DNAI7: variants seen among roughly 807,000 people sequenced by gnomAD.
DNAI7 encodes the protein cancer susceptibility 1.
A neutral mutation model predicts 86.6 loss-of-function variants in DNAI7; 78 were observed. That is an observed-to-expected ratio of 0.90 (90% CI 0.75 to 1.09). The LOEUF is 1.09. Ranked by LOEUF, DNAI7 falls within the 50% of genes least tolerant of loss-of-function variation. The pLI is 0.00. For missense variants in DNAI7, 753 were observed against 810.2 expected (o/e 0.93, Z 0.86); for synonymous variants, 274 against 273.0 (o/e 1.00, Z -0.04).
chr12:25,139,105 A>C (rs12423047), intron 9 of DNAI7, among the ~76,000 whole-genome samples: 1 of 152,024 alleles, frequency 6.6e-6, no homozygotes, highest in Non-Finnish European at 1.5e-5. Context: ...CAGAAAACTT[A>C]AAGGAGATGA....
intron 2 of DNAI7, among the ~76,000 whole-genome samples, chr12:25,166,501 T>C (rs1363051839): frequency 2.0e-5 from 3 of 152,210 alleles, no homozygotes; most frequent in South Asian, 2.1e-4. Flanking sequence ...ACCTGGGCTA[T>C]ACTGCCGCAA....
intron 9 of DNAI7, among the ~76,000 whole-genome samples, chr12:25,126,522 TGAG>T (rs1942156596): frequency 6.6e-6 from 1 of 151,850 alleles, no homozygotes; most frequent in African/African-American, 2.4e-5. Flanking sequence ...CAATCTAACT[TGAG>T]GAGGGACTGG....
intron 14 of DNAI7, among the ~76,000 whole-genome samples, chr12:25,110,482 T>C (rs1288952469): frequency 3.3e-5 from 5 of 152,138 alleles, no homozygotes; most frequent in African/African-American, 1.2e-4. Flanking sequence ...ATATACCCCA[T>C]TACCTGCCGA....
At chr12:25,161,304 A>G (rs1946813826) in intron 2 of DNAI7, 107 bp from the exon 3 acceptor site, 3 of 932,974 alleles carry the variant, frequency 3.2e-6, no homozygotes, top group Non-Finnish European at 5.2e-6. Flanking sequence ...TCATAAAACC[A>G]GCCTTTCATG....
At chr12:25,115,916 C>T (rs779796736) in intron 12 of DNAI7, among the ~76,000 whole-genome samples, 1 of 152,166 alleles carries the variant, frequency 6.6e-6, no homozygotes, top group East Asian at 1.9e-4. Context: ...AGAAGCCTTC[C>T]AATACTCTAA....
chr12:25,110,490 C>T (rs1448469468), intron 14 of DNAI7, among the ~76,000 whole-genome samples: 6 of 152,128 alleles, frequency 3.9e-5, no homozygotes, highest in Non-Finnish European at 4.4e-5. Context: ...CATTACCTGC[C>T]GACCTCTTTT....
intron 2 of DNAI7, among the ~76,000 whole-genome samples, chr12:25,173,934 A>ATATATGGAATATATAT (rs375245718): frequency 4.2e-5 from 6 of 143,196 alleles, no homozygotes; most frequent in Non-Finnish European, 9.0e-5. Context: ...TATCATATAT[A>ATATATGGAATATATAT]ATCATATATA....
At position 25,108,601 on chromosome 12, in the gene DNAI7, C is replaced by G; in HGVS notation, c.2116G>C (p.Val706Leu). 6.2e-7 allele frequency: 1 copy of G among 1,613,818 alleles called. No homozygotes were observed. Among genetic ancestry groups the G allele is most frequent in the Non-Finnish European group, 8.5e-7 (1 of 1,179,902 alleles). ...EKVRSSNCQF[V>L]NSVCHMLLST... ...AGCAGCATGTGGCACACAGAGTTGA[C>G]AAACTGACAGTTGGAACTCCTGACT... Residue 706 changes from valine to leucine, a missense_variant, in exon 16 of 16, where the codon GTC becomes CTC. By Grantham distance (32) the Val-to-Leu change is conservative (BLOSUM62 1). Coordinates refer to ENST00000395987, the MANE Select transcript of DNAI7 (RefSeq NM_018272.5).
At chr12:25,123,332 T>A (rs764072944) in intron 9 of DNAI7, 46 bp from the exon 10 acceptor site, 50 of 1,299,014 alleles carry the variant, frequency 3.8e-5, no homozygotes, top group Middle Eastern at 1.8e-4. Flanking sequence ...AGTGTCTACA[T>A]AGTACAGTCA....
rs534659725 is a variant in DNAI7, at chr12:25,195,104, T to A, written c.-26A>T. The stretch of plus-strand genomic sequence containing the variant: ...TAAGAGTCAAGCTCCACTGCAGTAG[T>A]CCGCAGAGTCGGAGCAGAAATTGTG... On this transcript the variant is annotated 5_prime_UTR_variant, in exon 1 of 16. Transcript: ENST00000395987. 5 of 1,612,490 alleles carry A rather than the reference T, an allele frequency of 3.1e-6. No homozygotes were observed. The South Asian group carries it at 4.4e-5, about 14-fold the overall frequency.
rs1944958936 is a variant in DNAI7 at position 25,147,168 on chromosome 12, AGTT to A, written c.586-67_586-65del. The A allele has an allele frequency of 7.3e-6, 6 of 817,228 alleles. No individual in the cohort carries two copies. The Admixed American group carries it at 1.1e-4, about 15-fold the overall frequency. The allele number at this position is 817,228 out of a possible 1,614,324, so 50.6% of individuals were successfully genotyped here. On this transcript the variant is annotated intron_variant, in intron 7 of 15. Coordinates refer to ENST00000395987, the MANE Select transcript of DNAI7 (RefSeq NM_018272.5). ...CCTCATAAATTATACAAATTAGATA[AGTT>A]ACTTTATCACTTATGTGTTGGATTC...
chr12:25,190,274 TA>T (rs1239058040), intron 2 of DNAI7, among the ~76,000 whole-genome samples: 5 of 152,170 alleles, frequency 3.3e-5, no homozygotes, highest in Non-Finnish European at 7.4e-5. Context: ...ATTTTATAAT[TA>T]AAATTTTATA....
intron 3 of DNAI7, among the ~76,000 whole-genome samples, chr12:25,159,950 T>C (rs1946647866): frequency 1.3e-5 from 2 of 152,180 alleles, no homozygotes; most frequent in Admixed American, 6.5e-5. Context: ...TTTTAACAAA[T>C]AAAATTAGTA....
intron 2 of DNAI7, 80 bp from the exon 3 acceptor site, chr12:25,161,277 G>GA: frequency 7.9e-7 from 1 of 1,257,958 alleles, no homozygotes; most frequent in Non-Finnish European, 1.2e-6. Flanking sequence ...TACTAATTAT[G>GA]AAAAACATTT....
At chr12:25,114,623 C>T (rs74426171) in intron 13 of DNAI7, 33 bp downstream of exon 13, 115,170 of 1,431,836 alleles carry the variant, frequency 0.08, 5,159 homozygotes, top group South Asian at 0.13. Context: ...ACCTCTGATA[C>T]GATAGTACAT....
At chr12:25,169,412 G>A (rs747102895) in intron 2 of DNAI7, among the ~76,000 whole-genome samples, 4 of 151,824 alleles carry the variant, frequency 2.6e-5, no homozygotes, top group African/African-American at 9.7e-5. Context: ...ATCTCCCTTC[G>A]CTGACTCTCT....
intron 12 of DNAI7, among the ~76,000 whole-genome samples, chr12:25,116,715 G>A (rs991007609): frequency 5.3e-5 from 8 of 151,718 alleles, no homozygotes; most frequent in East Asian, 1.9e-4. Flanking sequence ...GGCTGGTCTC[G>A]AACTCCTGAC....
chr12:25,179,876 C>A (rs905235143), intron 2 of DNAI7, among the ~76,000 whole-genome samples: 7 of 152,102 alleles, frequency 4.6e-5, no homozygotes, highest in South Asian at 2.1e-4. Flanking sequence ...CCCCTAAGAA[C>A]TGGAACATGA....
intron 8 of DNAI7, 73 bp from the exon 9 acceptor site, chr12:25,144,750 A>C (rs949993183): frequency 8.9e-7 from 1 of 1,119,510 alleles, no homozygotes; most frequent in South Asian, 1.6e-5. Flanking sequence ...ATTTATACCT[A>C]AGCAGTATTT....
Sources: allele counts gnomAD v4.1 joint callset (sites outside exome capture counted in the v4.1 genomes callset), GRCh38; gene constraint gnomAD v4.1.1; transcripts MANE v1.5; gene names NCBI Gene and HGNC (gene_info 2026-07-23, HGNC 2026-07-21).